FYN: variants seen among roughly 807,000 people sequenced by gnomAD.
FYN encodes the protein FYN proto-oncogene, Src family tyrosine kinase.
FYN carries 10 observed loss-of-function variants against 70.2 expected under a neutral mutation model. That is an observed-to-expected ratio of 0.14 (90% confidence interval 0.09 to 0.24). FYN has a LOEUF of 0.24. FYN is among the 10% of genes least tolerant of loss of function. The probability of loss-of-function intolerance (pLI) is 1.00; values close to 1 mark genes in which losing one functional copy is unlikely to be tolerated. For missense variants in FYN, 319 were observed against 673.1 expected (o/e 0.47, Z 5.82); for synonymous variants, 236 against 248.6 (o/e 0.95, Z 0.48).
intron 3 of FYN, chr6:111,760,001 T>TG (rs1250854936): frequency 6.6e-6 from 1 of 152,008 alleles, no homozygotes; most frequent in East Asian, 1.9e-4. Context: ...TTTTTTTTTC[T>TG]GGGCCTCTGT....
intron 12 of FYN, among the ~76,000 whole-genome samples, chr6:111,693,962 C>T (rs1799463375): frequency 1.3e-5 from 2 of 152,180 alleles, no homozygotes; most frequent in Non-Finnish European, 2.9e-5. Context: ...CTGTTACAAG[C>T]TCTGAGACAC....
intron 1 of FYN, among the ~76,000 whole-genome samples, chr6:111,864,450 A>C (rs1774048332): frequency 6.6e-6 from 1 of 152,188 alleles, no homozygotes; most frequent in Non-Finnish European, 1.5e-5. Context: ...ATCAATCATA[A>C]AATAGAGTCC....
chr6:111,856,054 CA>C (rs1195550348), intron 1 of FYN, among the ~76,000 whole-genome samples: 1 of 151,936 alleles, frequency 6.6e-6, no homozygotes, highest in African/African-American at 2.4e-5. Context: ...AATTTTGTGC[CA>C]TCTAAATTTG....
chr6:111,810,714 C>A (rs767438790), intron 2 of FYN, among the ~76,000 whole-genome samples: 1 of 152,196 alleles, frequency 6.6e-6, no homozygotes, highest in African/African-American at 2.4e-5. Flanking sequence ...TGCCTACACA[C>A]CCCTGCTCCC....
chr6:111,742,464 T>G (rs1416264353), intron 3 of FYN, among the ~76,000 whole-genome samples: 1 of 152,210 alleles, frequency 6.6e-6, no homozygotes, highest in Non-Finnish European at 1.5e-5. Context: ...CCAGGTTTAT[T>G]CATTAACATG....
chr6:111,791,785 T>C (rs1275699976), intron 2 of FYN, among the ~76,000 whole-genome samples: 2 of 152,242 alleles, frequency 1.3e-5, no homozygotes, highest in Non-Finnish European at 2.9e-5. Context: ...AAGCCACCCA[T>C]TTTGTGGCAC....
At chr6:111,742,351 T>C (rs1238511687) in intron 3 of FYN, among the ~76,000 whole-genome samples, 4 of 152,124 alleles carry the variant, frequency 2.6e-5, no homozygotes, top group African/African-American at 9.7e-5. Context: ...TCTTCCAGTG[T>C]AGAAAAAAAC....
chr6:111,758,198 T>C (rs1409936558), intron 3 of FYN, among the ~76,000 whole-genome samples: 1 of 152,202 alleles, frequency 6.6e-6, no homozygotes. Context: ...TATATAGCAC[T>C]AAAATCATAT....
chr6:111,751,594 T>C (rs1452102736), intron 3 of FYN, among the ~76,000 whole-genome samples: 1 of 151,580 alleles, frequency 6.6e-6, no homozygotes, highest in Non-Finnish European at 1.5e-5. Context: ...AGGACAGATG[T>C]GCAGAAGTGG....
intron 5 of FYN, among the ~76,000 whole-genome samples, chr6:111,710,033 T>C (rs924212049): frequency 2.0e-5 from 3 of 152,170 alleles, no homozygotes; most frequent in Admixed American, 1.3e-4. Flanking sequence ...CACTTTAATA[T>C]AGTGACAAGG....
chr6:111,711,566 GTATGT>G lies in FYN; in HGVS notation c.344+2776_344+2780del, dbSNP rs201838015. 1.1e-4 allele frequency among the ~76,000 whole-genome samples: 17 copies of G among 152,328 alleles called. No homozygotes were observed. In the East Asian group the frequency reaches 2.9e-3, roughly 26 times the overall value. On this transcript the variant is annotated intron_variant, in intron 5 of 13. Transcript: ENST00000354650. ...CATACATACATGCACATCCCACGGT[GTATGT>G]TGTACTTTAACAAAGCCAGCCCTGT... is the stretch of plus-strand genomic sequence containing the variant.
intron 3 of FYN, among the ~76,000 whole-genome samples, chr6:111,779,121 ATTTTTTT>A (rs397934539): frequency 2.3e-4 from 21 of 91,526 alleles, no homozygotes; most frequent in African/African-American, 4.7e-4. Flanking sequence ...AGTAGGAGAC[ATTTTTTT>A]TTTTTTTTTT....
intron 1 of FYN, among the ~76,000 whole-genome samples, chr6:111,856,255 A>T (rs1215488457): frequency 6.6e-6 from 1 of 152,244 alleles, no homozygotes; most frequent in Non-Finnish European, 1.5e-5. Flanking sequence ...TTCAGAGCTC[A>T]CCAGGGACTT....
chr6:111,823,348 G>A (rs1420021755), intron 2 of FYN, among the ~76,000 whole-genome samples: 1 of 152,144 alleles, frequency 6.6e-6, no homozygotes, highest in Non-Finnish European at 1.5e-5. Flanking sequence ...TTAAAGAAAA[G>A]CCATAAATCT....
intron 3 of FYN, among the ~76,000 whole-genome samples, chr6:111,743,529 G>A (rs867369342): frequency 6.6e-6 from 1 of 152,190 alleles, no homozygotes; most frequent in Admixed American, 6.5e-5. Context: ...CCTGTGTCCT[G>A]TGCCAAGGGC....
chr6:111,854,236 A>T (rs1189930433), intron 1 of FYN, among the ~76,000 whole-genome samples: 1 of 152,202 alleles, frequency 6.6e-6, no homozygotes, highest in Non-Finnish European at 1.5e-5. Flanking sequence ...CGTTCATGTT[A>T]ACATGTGATT....
At chr6:111,792,490 T>C (rs754780014) in intron 2 of FYN, among the ~76,000 whole-genome samples, 3 of 152,162 alleles carry the variant, frequency 2.0e-5, no homozygotes, top group Non-Finnish European at 4.4e-5. Context: ...ATGCTACATA[T>C]GCTTACCCAC....
intron 9 of FYN, among the ~76,000 whole-genome samples, chr6:111,697,426 A>C (rs1799622235): frequency 1.3e-5 from 2 of 152,204 alleles, no homozygotes; most frequent in African/African-American, 4.8e-5. Context: ...GACTGGTTTA[A>C]ATTAAGATTT....
At chr6:111,798,796 G>C (rs1771896570) in intron 2 of FYN, among the ~76,000 whole-genome samples, 1 of 152,202 alleles carries the variant, frequency 6.6e-6, no homozygotes, top group South Asian at 2.1e-4. Flanking sequence ...TTCTGGGCTT[G>C]TTTTTATCTA....
Sources: allele counts gnomAD v4.1 joint callset (sites outside exome capture counted in the v4.1 genomes callset), GRCh38; gene constraint gnomAD v4.1.1; transcripts MANE v1.5; gene names NCBI Gene and HGNC (gene_info 2026-07-23, HGNC 2026-07-21).